Variants in FPGT observed in about 807,000 individuals in gnomAD.
FPGT encodes fucose-1-phosphate guanylyltransferase, also known as GDP-L-fucose diphosphorylase.
In FPGT, 41 loss-of-function variants were observed where a neutral mutation model predicts 45.8. That is an observed-to-expected ratio of 0.90 (90% confidence interval 0.70 to 1.16). The LOEUF is 1.16. FPGT is among the 50% of genes most tolerant of loss of function. The probability of loss-of-function intolerance (pLI) is 0.00; values close to 1 mark genes in which losing one functional copy is unlikely to be tolerated. For missense variants in FPGT, 755 were observed against 689.1 expected (o/e 1.10, Z -1.07); for synonymous variants, 292 against 247.2 (o/e 1.18, Z -1.70).
intron 3 of FPGT, 98 bp downstream of exon 3, chr1:74,201,508 T>A: frequency 9.5e-6 from 7 of 736,090 alleles, no homozygotes; most frequent in Non-Finnish European, 1.5e-5. Context: ...TCCTTCTTTT[T>A]TAAAAGAATC....
In FPGT at chr1:74,204,498, T is replaced by A. The variant is rs1202611733; in HGVS notation, c.451T>A (p.Tyr151Asn). The A allele has an allele frequency of 6.2e-7, 1 of 1,610,320 alleles. No individual in the cohort carries two copies. Among genetic ancestry groups the A allele is most frequent in the Admixed American group, 1.7e-5 (1 of 60,014 alleles). ...YQMLELKLAM[Y>N]IDFPLNMNPG... The stretch of plus-strand genomic sequence containing the variant: ...GATGCTAGAATTAAAACTAGCCATG[T>A]ACATTGATTTCCCCTTAAATATGAA... Residue 151 changes from tyrosine (Y) to asparagine (N), a missense_variant, in exon 4 of 4, where the codon TAC becomes AAC. Coordinates refer to ENST00000370898, the MANE Select transcript of FPGT (RefSeq NM_003838.5).
Position 74,204,807 on chromosome 1 carries a change from G to T in FPGT, c.760G>T (p.Ala254Ser). The T allele has an allele frequency of 1.2e-6, 2 of 1,613,664 alleles. No homozygotes were observed. ...RPGNFCQQDFAGGDIADLKLD... is the reference protein window; with the variant it reads ...RPGNFCQQDFSGGDIADLKLD... ...TGGAAATTTTTGTCAACAGGACTTT[G>T]CTGGGGGTGACATTGCCGATCTTAA... The change falls in exon 4 of 4, where the codon GCT becomes TCT. Residue 254 changes from alanine to serine, a missense_variant. Coordinates refer to ENST00000370898, the MANE Select transcript of FPGT (RefSeq NM_003838.5).
chr1:74,204,076 GT>G (rs1460070130), intron 3 of FPGT, among the ~76,000 whole-genome samples: 1 of 150,860 alleles, frequency 6.6e-6, no homozygotes, highest in African/African-American at 2.4e-5. Flanking sequence ...GCAACATCAT[GT>G]TTTGGGCCGT....
At chr1:74,199,623 C>G in intron 1 of FPGT, 41 bp from the exon 2 acceptor site, 1 of 1,591,228 alleles carries the variant, frequency 6.3e-7, no homozygotes, top group South Asian at 1.2e-5. Flanking sequence ...CTAGAAAATT[C>G]TGATAATTTT....
rs771108793 is a variant in FPGT at position 74,205,774 on chromosome 1, T to C, written c.1727T>C (p.Met576Thr). Reference protein sequence around the residue: ...EMLIYKDVEDMITYREQIFLE... With the variant: ...EMLIYKDVEDTITYREQIFLE... Reference sequence around the variant, plus strand: ...CTTATCTACAAAGATGTAGAAGATATGATAACTTACAGGGAACAAATTTTT... The same window carrying C: ...CTTATCTACAAAGATGTAGAAGATACGATAACTTACAGGGAACAAATTTTT... The change falls in exon 4 of 4, where the codon ATG becomes ACG. Residue 576 changes from methionine to threonine, a missense_variant. Met to Thr is a moderately conservative substitution (Grantham distance 81). Transcript: ENST00000370898. 3 of 1,592,040 alleles carry C rather than the reference T, an allele frequency of 1.9e-6. No individual in the cohort carries two copies. Among genetic ancestry groups the C allele is most frequent in the Admixed American group, 1.7e-5 (1 of 59,598 alleles).
rs1321679790 is a variant in FPGT, at chr1:74,199,727, A to C, written c.146A>C (p.Gln49Pro). ...GCAATAACAGCGGCTGATGAAAAAC[A>C]GGAACTTGCTTACAACCAACAGCTG... is the stretch of plus-strand genomic sequence containing the variant. ...IVAITAADEK[Q>P]ELAYNQQLSE... The change falls in exon 2 of 4, where the codon CAG becomes CCG. Residue 49 changes from glutamine (Q) to proline (P), a missense_variant. Coordinates refer to ENST00000370898, the MANE Select transcript of FPGT (RefSeq NM_003838.5). 1 of 1,614,190 alleles carries C rather than the reference A, an allele frequency of 6.2e-7. No homozygotes were observed.
Position 74,205,457 on chromosome 1 carries a change from A to T in FPGT, c.1410A>T (p.Ala470=). ...GATGCTTAAAGTATGCAACTATGGC[A>T]TTTGGAGTGCAAGACAACTTGAAAA... ...MNRCLKYATM[A]FGVQDNLKKS... is the part of the protein sequence containing the mutation. Residue 470 remains alanine, a synonymous_variant, in exon 4 of 4, where the codon GCA becomes GCT. Coordinates refer to ENST00000370898, the MANE Select transcript of FPGT (RefSeq NM_003838.5). The T allele has an allele frequency of 1.9e-6, 3 of 1,613,964 alleles. No homozygotes were observed. The highest frequency in any genetic ancestry group is 1.1e-5 in the South Asian group (1 of 91,082).
Position 74,199,678 on chromosome 1 carries a change from C to T in FPGT, c.97C>T (p.Arg33Cys), listed in dbSNP as rs377042126. 8.7e-6 allele frequency: 14 copies of T among 1,611,932 alleles called. No homozygotes were observed. The highest frequency in any genetic ancestry group is 5.4e-5 in the African/African-American group (4 of 74,750). ...TTTCCAAATAGGCAAACTTGTAGCACGTGGAGAATTCTGGGACATAGTTGC... is the reference window on the plus strand; with the variant it reads ...TTTCCAAATAGGCAAACTTGTAGCATGTGGAGAATTCTGGGACATAGTTGC... ...FSELRGKLVARGEFWDIVAIT... is the reference protein window; with the variant it reads ...FSELRGKLVACGEFWDIVAIT... The change falls in exon 2 of 4, where the codon CGT becomes TGT. Residue 33 changes from arginine to cysteine, a missense_variant. Physicochemically the swap from Arg to Cys is radical, Grantham distance 180. Coordinates refer to ENST00000370898, the MANE Select transcript of FPGT (RefSeq NM_003838.5).
At chr1:74,203,781 C>T (rs1420315315) in intron 3 of FPGT, among the ~76,000 whole-genome samples, 1 of 151,944 alleles carries the variant, frequency 6.6e-6, no homozygotes, top group African/African-American at 2.4e-5. Context: ...GTGGCTCACG[C>T]CTGTAATCCC....
Position 74,199,774 on chromosome 1 carries a change from G to T in FPGT, c.193G>T (p.Glu65Ter), listed in dbSNP as rs749592241. The T allele has an allele frequency of 6.2e-6, 10 of 1,614,034 alleles. No individual in the cohort carries two copies. The East Asian group carries it at 2.2e-4, about 36-fold the overall frequency. ...GCTGTCAGAAAAGCTGAAAAGAAAG[G>T]AGTTACCCCTTGGAGTTCAATATCA... The part of the protein sequence containing the change: ...QQLSEKLKRK[E>*]LPLGVQYHVF... Residue 65 changes from glutamate to a stop codon, truncating the protein, a stop_gained, in exon 2 of 4, where the codon GAG becomes TAG. Transcript: ENST00000370898. LOFTEE classifies it high-confidence loss of function.
Position 74,205,826 on chromosome 1 carries a change from G to A in FPGT, c.1779G>A (p.Leu593=), listed in dbSNP as rs765963504. The change falls in exon 4 of 4, where the codon TTG becomes TTA. Residue 593 remains leucine (L), a synonymous_variant. Transcript: ENST00000370898. ...IFLEISLKSS[L]M is the part of the protein sequence containing the mutation. ...TAGAAATCAGTTTAAAAAGCAGTTT[G>A]ATGTAGAGATATTTTAAATATTGTA... 6.6e-7 allele frequency: 1 copy of A among 1,519,522 alleles called. No individual in the cohort carries two copies. The highest frequency in any genetic ancestry group is 2.3e-5 in the East Asian group (1 of 44,184). The allele number at this position is 1,519,522 out of a possible 1,614,324, so 94.1% of individuals were successfully genotyped here. A position where few individuals can be genotyped will look rare whatever the true frequency, so the allele number is the denominator to read the frequency against.
rs201001853 is a variant in FPGT, at chr1:74,199,719, T to C, written c.138T>C (p.Asp46=). ...ACATAGTTGCAATAACAGCGGCTGA[T>C]GAAAAACAGGAACTTGCTTACAACC... is the stretch of plus-strand genomic sequence containing the variant. ...FWDIVAITAA[D]EKQELAYNQQ... The change falls in exon 2 of 4, where the codon GAT becomes GAC. Residue 46 remains aspartate, a synonymous_variant. Coordinates refer to ENST00000370898, the MANE Select transcript of FPGT (RefSeq NM_003838.5). 10 of 1,613,918 alleles carry C rather than the reference T, an allele frequency of 6.2e-6. No homozygotes were observed. Among genetic ancestry groups the C allele is most frequent in the South Asian group, 1.1e-5 (1 of 91,074 alleles).
At chr1:74,198,470 C>T (rs1423059894) in intron 1 of FPGT, 110 bp downstream of exon 1, 3 of 1,454,090 alleles carry the variant, frequency 2.1e-6, no homozygotes, top group East Asian at 2.5e-5. Flanking sequence ...ATCTGTAGGC[C>T]TATGACGCTC....
intron 3 of FPGT, among the ~76,000 whole-genome samples, chr1:74,203,521 A>T (rs894806079): frequency 3.3e-5 from 5 of 151,654 alleles, no homozygotes; most frequent in African/African-American, 1.2e-4. Context: ...CCTCCAGAGT[A>T]GCTGGGACCA....
At chr1:74,201,130 T>G (rs1228564614) in intron 2 of FPGT, among the ~76,000 whole-genome samples, 188 bp from the exon 3 acceptor site, 1 of 152,202 alleles carries the variant, frequency 6.6e-6, no homozygotes, top group East Asian at 1.9e-4. Context: ...ATTGCTAATT[T>G]ATTGATTGGT....
chr1:74,204,273 A>G (rs1055882317), intron 3 of FPGT, 118 bp from the exon 4 acceptor site: 1 of 600,656 alleles, frequency 1.7e-6, no homozygotes, highest in Admixed American at 3.0e-5. Flanking sequence ...AGTGGCATAT[A>G]TTAAATATCG....
intron 1 of FPGT, among the ~76,000 whole-genome samples, chr1:74,198,765 A>G (rs537389079): frequency 1.3e-5 from 2 of 152,324 alleles, no homozygotes; most frequent in South Asian, 2.1e-4. Flanking sequence ...TACTTCTGTA[A>G]TGTAACCGTT....
Position 74,205,269 on chromosome 1 carries a change from G to T in FPGT, c.1222G>T (p.Asp408Tyr), listed in dbSNP as rs1366745731. The T allele has an allele frequency of 6.2e-7, 1 of 1,613,912 alleles. No individual in the cohort carries two copies. The highest frequency in any genetic ancestry group is 2.2e-5 in the East Asian group (1 of 44,886). The change falls in exon 4 of 4, where the codon GAT becomes TAT. Residue 408 changes from aspartate (D) to tyrosine (Y), a missense_variant. Asp to Tyr is a radical substitution (Grantham distance 160, BLOSUM62 -3). Transcript: ENST00000370898. ...ATCCTGTATCATTCAAAGCATACTG[G>T]ATTCAAGATGTTCTGTGGCACCTGG... ...KTSCIIQSILDSRCSVAPGSV... is the reference protein window; with the variant it reads ...KTSCIIQSILYSRCSVAPGSV...
chr1:74,199,433 G>A (rs533109501), intron 1 of FPGT, among the ~76,000 whole-genome samples: 1 of 152,248 alleles, frequency 6.6e-6, no homozygotes, highest in East Asian at 1.9e-4. Flanking sequence ...ACCATAAAAG[G>A]AGGGAGTGAT....
Sources: allele counts gnomAD v4.1 joint callset (sites outside exome capture counted in the v4.1 genomes callset), GRCh38; gene constraint gnomAD v4.1.1; transcripts MANE v1.5; gene names NCBI Gene and HGNC (gene_info 2026-07-23, HGNC 2026-07-21).